The following MIA2 variants were observed in gnomAD, a reference collection of about 807,000 sequenced individuals.
MIA2 encodes MIA SH3 domain ER export factor 2.
In MIA2, 127 loss-of-function variants were observed where a neutral mutation model predicts 167.8. The ratio of observed to expected loss-of-function variants is 0.76; its 90% CI spans 0.66 to 0.88. The LOEUF (loss-of-function observed/expected upper bound fraction) is 0.88. MIA2 is among the 40% of genes least tolerant of loss of function. The probability of loss-of-function intolerance (pLI) is 0.00; values close to 1 mark genes in which losing one functional copy is unlikely to be tolerated. For synonymous variants in MIA2, 552 were observed against 541.9 expected (o/e 1.02, Z -0.26); for missense variants, 1,690 against 1,624.7 (o/e 1.04, Z -0.69).
chr14:39,275,139 TTGTGTG>T (rs67380839), intron 6 of MIA2, among the ~76,000 whole-genome samples: 5 of 126,634 alleles, frequency 3.9e-5, no homozygotes, highest in Admixed American at 1.7e-4. Flanking sequence ...CCTTAATCCT[TTGTGTG>T]TGTGTGTGTG....
intron 13 of MIA2, among the ~76,000 whole-genome samples, chr14:39,298,423 A>ATT (rs2061767858): frequency 5.1e-5 from 1 of 19,702 alleles, no homozygotes; most frequent in Admixed American, 3.4e-4. Context: ...TTATATATAT[A>ATT]TATATATATA....
At chr14:39,254,804 C>G (rs2054741668) in intron 6 of MIA2, among the ~76,000 whole-genome samples, 1 of 152,172 alleles carries the variant, frequency 6.6e-6, no homozygotes. Context: ...ATTTGGCCCA[C>G]TAACCACATT....
chr14:39,379,017 A>G (rs1035459607), intron 23 of MIA2, among the ~76,000 whole-genome samples: 1 of 152,226 alleles, frequency 6.6e-6, no homozygotes, highest in Non-Finnish European at 1.5e-5. Context: ...TCCTCAAACA[A>G]TACGCCAAAA....
chr14:39,309,814 T>C (rs2063914432), intron 18 of MIA2, among the ~76,000 whole-genome samples: 1 of 152,194 alleles, frequency 6.6e-6, no homozygotes, highest in Non-Finnish European at 1.5e-5. Context: ...TGTACAAATA[T>C]GTTCAGTGCC....
chr14:39,266,583 C>CA (rs765320976), intron 6 of MIA2: 3 of 985,502 alleles, frequency 3.0e-6, no homozygotes, highest in Non-Finnish European at 3.6e-6. Context: ...AAACTCTGAC[C>CA]AAACCACAGC....
chr14:39,324,811 T>C (rs921036960), intron 24 of MIA2, among the ~76,000 whole-genome samples: 1 of 152,102 alleles, frequency 6.6e-6, no homozygotes, highest in Admixed American at 6.6e-5. Context: ...TTCACCATGT[T>C]GGCCAGGCTG....
At chr14:39,288,935 T>A (rs2060338698) in intron 9 of MIA2, among the ~76,000 whole-genome samples, 1 of 152,212 alleles carries the variant, frequency 6.6e-6, no homozygotes, top group Non-Finnish European at 1.5e-5. Context: ...TATTTATTTA[T>A]TTTTTGTGGT....
chr14:39,362,871 G>A (rs1333221397), intron 23 of MIA2, among the ~76,000 whole-genome samples: 1 of 152,066 alleles, frequency 6.6e-6, no homozygotes, highest in East Asian at 1.9e-4. Flanking sequence ...TTGGTGTGTT[G>A]TGTTTGTGTT....
intron 23 of MIA2, among the ~76,000 whole-genome samples, chr14:39,381,995 A>G (rs1465171403): frequency 2.0e-5 from 3 of 152,212 alleles, no homozygotes; most frequent in Non-Finnish European, 4.4e-5. Flanking sequence ...ACCCTAGTTC[A>G]GCTAACTAGG....
downstream of MIA2, among the ~76,000 whole-genome samples, chr14:39,356,248 T>G (rs2074522240): frequency 1.3e-5 from 2 of 152,208 alleles, no homozygotes; most frequent in South Asian, 4.1e-4. Flanking sequence ...ATTGGTCTAT[T>G]CAGAGATTCA....
intron 23 of MIA2, among the ~76,000 whole-genome samples, chr14:39,382,415 A>G (rs536344349): frequency 4.6e-5 from 7 of 152,326 alleles, no homozygotes; most frequent in Non-Finnish European, 1.0e-4. Context: ...GTCTCAACCA[A>G]TGCAGAAGTT....
chr14:39,246,460 G>A (rs2054316003), intron 3 of MIA2, among the ~76,000 whole-genome samples: 1 of 152,164 alleles, frequency 6.6e-6, no homozygotes, highest in African/African-American at 2.4e-5. Flanking sequence ...GCTCACATCT[G>A]TAATCCCAGT....
In MIA2 at chr14:39,348,849, A is replaced by G; in HGVS notation, c.3944A>G (p.Asp1315Gly). The G allele has an allele frequency of 1.2e-6, 2 of 1,613,990 alleles. No individual in the cohort carries two copies. The highest frequency in any genetic ancestry group is 1.7e-6 in the Non-Finnish European group (2 of 1,179,958). The change falls in exon 28 of 29, where the codon GAT becomes GGT. Residue 1315 changes from aspartate to glycine, a missense_variant. Physicochemically the swap from Asp to Gly is moderately conservative, Grantham distance 94. Coordinates refer to ENST00000640607, the MANE Select transcript of MIA2 (RefSeq NM_001329214.4). Reference protein sequence around the residue: ...APIRGPLFPVDARGPFLRRGP... With the variant: ...APIRGPLFPVGARGPFLRRGP... ...ATCAGAGGTCCATTGTTTCCAGTGG[A>G]TGCAAGAGGCCCATTCTTGAGAAGA...
At chr14:39,288,059 C>G (rs1296500149) in intron 9 of MIA2, among the ~76,000 whole-genome samples, 1 of 152,060 alleles carries the variant, frequency 6.6e-6, no homozygotes, top group South Asian at 2.1e-4. Flanking sequence ...GTTGCACAGG[C>G]TGGTCTCGAA....
At chr14:39,273,174 T>C (rs1823893638) in intron 6 of MIA2, among the ~76,000 whole-genome samples, 1 of 152,114 alleles carries the variant, frequency 6.6e-6, no homozygotes, top group South Asian at 2.1e-4. Context: ...AGAACCTCCA[T>C]TACAATGTTG....
chr14:39,340,799 A>G (rs1331578754), intron 25 of MIA2, among the ~76,000 whole-genome samples: 1 of 152,198 alleles, frequency 6.6e-6, no homozygotes, highest in African/African-American at 2.4e-5. Context: ...GATCCTTTAT[A>G]AATTCTAATG....
intron 23 of MIA2, among the ~76,000 whole-genome samples, chr14:39,363,423 G>A (rs927349872): frequency 7.2e-5 from 11 of 152,146 alleles, no homozygotes; most frequent in Admixed American, 5.2e-4. Flanking sequence ...CCAGCTACTC[G>A]GAGGCTGAGG....
In MIA2 at chr14:39,318,024, G is replaced by A; in HGVS notation, c.3284+13G>A. 6.5e-7 allele frequency: 1 copy of A among 1,544,182 alleles called. No individual in the cohort carries two copies. Among genetic ancestry groups the A allele is most frequent in the Non-Finnish European group, 8.8e-7 (1 of 1,141,758 alleles). ...ACAACAGACAAAAGTAAGTATCTTA[G>A]TGGGAACATTTAAAATTAGTTATTC... is the stretch of plus-strand genomic sequence containing the variant. On this transcript the variant is annotated intron_variant, in intron 22 of 28. Coordinates refer to ENST00000640607, the MANE Select transcript of MIA2 (RefSeq NM_001329214.4).
intron 9 of MIA2, among the ~76,000 whole-genome samples, chr14:39,285,415 C>CGG (rs1374556326): frequency 1.4e-5 from 2 of 139,034 alleles, no homozygotes; most frequent in African/African-American, 2.8e-5. Flanking sequence ...GGCGGCTGGC[C>CGG]GGGCGGGGGC....
Sources: allele counts gnomAD v4.1 joint callset (sites outside exome capture counted in the v4.1 genomes callset), GRCh38; gene constraint gnomAD v4.1.1; transcripts MANE v1.5; gene names NCBI Gene and HGNC (gene_info 2026-07-23, HGNC 2026-07-21).